The following ZC3HC1 variants were observed in gnomAD, a reference collection of about 807,000 sequenced individuals.
The protein encoded by ZC3HC1 is zinc finger C3HC-type protein 1.
In ZC3HC1, 38 loss-of-function variants were observed where a neutral mutation model predicts 61.9. The ratio of observed to expected loss-of-function variants is 0.61; its 90% CI spans 0.47 to 0.81. The LOEUF is 0.81. ZC3HC1 is among the 30% of genes least tolerant of loss of function. ZC3HC1 has a pLI of 0.00. For missense variants in ZC3HC1, 554 were observed against 622.7 expected, an observed-to-expected ratio of 0.89 and a Z score of 1.17; for synonymous variants, 213 against 229.9, an observed-to-expected ratio of 0.93 and a Z score of 0.67.
intron 6 of ZC3HC1, among the ~76,000 whole-genome samples, chr7:130,025,066 C>T (rs879933184): frequency 1.3e-5 from 2 of 150,596 alleles, no homozygotes; most frequent in Non-Finnish European, 1.5e-5. Context: ...CCACCATGCC[C>T]GGCTAATTTT....
Position 130,022,379 on chromosome 7 carries a change from TG to T in ZC3HC1, c.1379del (p.Ala460GlufsTer3), listed in dbSNP as rs1563073363. On this transcript the variant is annotated frameshift_variant, in exon 9 of 10. Transcript: ENST00000358303. LOFTEE classifies it high-confidence loss of function. The stretch of plus-strand genomic sequence containing the variant: ...TGTGCGCCAAGAGGATGGTCAGCAC[TG>T]CTTTCCAGCCTGGCTCTGCTGGGGC... ...ASAPAEPGWKAVLTILLAHKQ... is the reference protein window; with the variant it reads ...ASAPAEPGWKXVLTILLAHKQ... The T allele has an allele frequency of 1.2e-6, 2 of 1,613,972 alleles. No individual in the cohort carries two copies. Among genetic ancestry groups the T allele is most frequent in the Non-Finnish European group, 1.7e-6 (2 of 1,179,946 alleles).
rs1793725080 is a variant in ZC3HC1 at position 130,023,202 on chromosome 7, C to T, written c.1233+309G>A. On this transcript the variant is annotated intron_variant, in intron 8 of 9. Coordinates refer to ENST00000358303, the MANE Select transcript of ZC3HC1 (RefSeq NM_016478.5). This position sits in a 1 kb window ranked among gnomAD's most constrained non-coding sequence, Gnocchi z 4.2. ...CGTGGTCCGTGGAAAAATGGTCTTCCATGAAAACGGTCCCTGGTGCCAAAA... is the reference window on the plus strand; with the variant it reads ...CGTGGTCCGTGGAAAAATGGTCTTCTATGAAAACGGTCCCTGGTGCCAAAA... 2.7e-6 allele frequency: 1 copy of T among 364,382 alleles called. No homozygotes were observed. Among genetic ancestry groups the T allele is most frequent in the East Asian group, 5.2e-5 (1 of 19,264 alleles). The allele number at this position is 364,382 out of a possible 1,614,324, so 22.6% of individuals were successfully genotyped here. A position where few individuals can be genotyped will look rare whatever the true frequency, so the allele number is the denominator to read the frequency against.
chr7:130,034,257 G>A lies in ZC3HC1; in HGVS notation c.493+5207C>T, dbSNP rs181989896. Reference sequence around the variant, plus strand: ...TCCCAGCACTTTGGGAGGCCGAGGCGGGCGTATCACGAGGTCAGGAGATTG... The same window carrying A: ...TCCCAGCACTTTGGGAGGCCGAGGCAGGCGTATCACGAGGTCAGGAGATTG... On this transcript the variant is annotated intron_variant, in intron 4 of 9. Transcript: ENST00000358303. Among the ~76,000 whole-genome samples, 831 of 150,516 alleles carry A rather than the reference G, an allele frequency of 5.5e-3. 3 individuals are homozygous for A. Among genetic ancestry groups the A allele is most frequent in the Non-Finnish European group, 7.2e-3 (485 of 67,660 alleles).
chr7:130,031,337 A>AC (rs1320330375), intron 4 of ZC3HC1, among the ~76,000 whole-genome samples: 1 of 151,204 alleles, frequency 6.6e-6, no homozygotes, highest in Non-Finnish European at 1.5e-5. Flanking sequence ...AAAAAAAAAA[A>AC]AAAAACAGAA....
intron 4 of ZC3HC1, among the ~76,000 whole-genome samples, chr7:130,032,519 G>A (rs1322742287): frequency 6.6e-6 from 1 of 151,404 alleles, no homozygotes; most frequent in East Asian, 1.9e-4. Context: ...GGTGGCATAC[G>A]CCTGTAGTCA....
chr7:130,046,468 A>T (rs1435068625), intron 2 of ZC3HC1, among the ~76,000 whole-genome samples: 1 of 151,936 alleles, frequency 6.6e-6, no homozygotes, highest in Non-Finnish European at 1.5e-5. Flanking sequence ...TTAGCCAGGC[A>T]TGGTGGCGGG....
At chr7:130,044,909 T>C (rs187300698) in intron 2 of ZC3HC1, among the ~76,000 whole-genome samples, 1 of 152,286 alleles carries the variant, frequency 6.6e-6, no homozygotes, top group East Asian at 1.9e-4. Flanking sequence ...CTCTACAACA[T>C]AACTGTTCTG....
chr7:130,050,297 T>C lies in ZC3HC1; in HGVS notation c.146+924A>G, dbSNP rs1459078384. On this transcript the variant is annotated intron_variant, in intron 1 of 9. Transcript: ENST00000358303. Reference sequence around the variant, plus strand: ...TTTCACCGTGTTAGCCAGGATGGTCTTGATCTCCTGACCTCGTGATCTGCC... The same window carrying C: ...TTTCACCGTGTTAGCCAGGATGGTCCTGATCTCCTGACCTCGTGATCTGCC... 14 of 830,264 alleles carry C rather than the reference T, an allele frequency of 1.7e-5. No homozygotes were observed. The East Asian group carries it at 3.5e-4, about 21-fold the overall frequency. 51.4% of individuals were successfully genotyped at this position (830,264 alleles called of 1,614,324 possible).
intron 2 of ZC3HC1, among the ~76,000 whole-genome samples, chr7:130,045,961 C>A (rs989770460): frequency 2.0e-5 from 3 of 147,170 alleles, no homozygotes; most frequent in Admixed American, 6.8e-5. Context: ...CTCTTTGATA[C>A]TATGCAGCCA....
chr7:130,040,311 G>A (rs1269646500), intron 3 of ZC3HC1, among the ~76,000 whole-genome samples: 5 of 149,326 alleles, frequency 3.3e-5, no homozygotes, highest in South Asian at 2.1e-4. Flanking sequence ...TGGCTAACAC[G>A]GTGAAACCCC....
chr7:130,026,054 C>T, intron 6 of ZC3HC1, 104 bp downstream of exon 6: 1 of 1,357,126 alleles, frequency 7.4e-7, no homozygotes, highest in Non-Finnish European at 9.9e-7. Context: ...CTCTTTTTCT[C>T]ACGGGAAACA....
chr7:130,018,521 CTGCCTTTGCTA>C lies in ZC3HC1; in HGVS notation c.*132_*142del. 1.5e-6 allele frequency: 1 copy of C among 666,682 alleles called. No individual in the cohort carries two copies. The highest frequency in any genetic ancestry group is 2.6e-6 in the Non-Finnish European group (1 of 377,400). The allele number at this position is 666,682 out of a possible 1,614,324, so 41.3% of individuals were successfully genotyped here. A position where few individuals can be genotyped will look rare whatever the true frequency, so the allele number is the denominator to read the frequency against. ...GCCAGATGCAGATAGTTGACACTCA[CTGCCTTTGCTA>C]TGGCAGGGGGCTCCTTATGATTAAC... On this transcript the variant is annotated 3_prime_UTR_variant, in exon 10 of 10. Coordinates refer to ENST00000358303, the MANE Select transcript of ZC3HC1 (RefSeq NM_016478.5).
Position 130,051,286 on chromosome 7 carries a change from C to T in ZC3HC1, c.81G>A (p.Gly27=), listed in dbSNP as rs1046666157. 1 of 1,612,398 alleles carries T rather than the reference C, an allele frequency of 6.2e-7. No individual in the cohort carries two copies. The part of the protein sequence containing the change: ...NWGAVVRSPE[G]TPQKIRQLID... ...TCAGCTGCCGGATTTTCTGGGGGGT[C>T]CCTTCTGGGGAGCGAACTACTGCAC... The change falls in exon 1 of 10, where the codon GGG becomes GGA. Residue 27 remains glycine, a synonymous_variant. Transcript: ENST00000358303.
chr7:130,026,908 T>TG (rs1172895169), intron 5 of ZC3HC1: 1 of 148,026 alleles, frequency 6.8e-6, no homozygotes, highest in Non-Finnish European at 1.5e-5. Context: ...AGGCGGAGCT[T>TG]GCAGTGAGCT....
chr7:130,022,174 AAAACAAAC>A, intron 9 of ZC3HC1, 137 bp downstream of exon 9: 1 of 1,111,316 alleles, frequency 9.0e-7, no homozygotes, highest in African/African-American at 1.5e-5. Flanking sequence ...TCCATCTCAA[AAAACAAAC>A]AAACAAACAA....
At chr7:130,032,065 A>C (rs1584575889) in intron 4 of ZC3HC1, among the ~76,000 whole-genome samples, 1 of 152,050 alleles carries the variant, frequency 6.6e-6, no homozygotes, top group Admixed American at 6.6e-5. Context: ...CTCTACTAAA[A>C]ATACAAAAAT....
rs146998301 is a variant in ZC3HC1, at chr7:130,047,432, T to C, written c.258+1601A>G. Among the ~76,000 whole-genome samples the C allele has an allele frequency of 1.9e-3, 290 of 152,314 alleles. 2 individuals are homozygous for C. The highest frequency in any genetic ancestry group is 6.6e-3 in the African/African-American group (273 of 41,572). On this transcript the variant is annotated intron_variant, in intron 2 of 9. Coordinates refer to ENST00000358303, the MANE Select transcript of ZC3HC1 (RefSeq NM_016478.5). Reference sequence around the variant, plus strand: ...CTTGATCAAAAAAAGGTGTGTGATTTGGCTTATTTTATGGTCTTAAATTCT... The same window carrying C: ...CTTGATCAAAAAAAGGTGTGTGATTCGGCTTATTTTATGGTCTTAAATTCT...
intron 2 of ZC3HC1, among the ~76,000 whole-genome samples, chr7:130,047,116 C>T (rs992999726): frequency 9.8e-5 from 15 of 152,312 alleles, no homozygotes; most frequent in African/African-American, 3.4e-4. Context: ...GCATGTGCCA[C>T]CATGCCTGGT....
chr7:130,033,498 G>C (rs574755830), intron 4 of ZC3HC1, among the ~76,000 whole-genome samples: 1 of 137,460 alleles, frequency 7.3e-6, no homozygotes, highest in South Asian at 2.3e-4. Context: ...TGTCGCCCAG[G>C]CTGGAGTGCA....
Sources: gnomAD v4.1 joint callset for allele counts (sites outside exome capture counted in the v4.1 genomes callset) on GRCh38, gnomAD v4.1.1 for gene constraint, Gnocchi (gnomAD v3.1) non-coding constraint, MANE v1.5 for transcripts, NCBI Gene and HGNC (gene_info 2026-07-23, HGNC 2026-07-21) for gene names.